The following FREM3 variants were observed in gnomAD, a reference collection of about 807,000 sequenced individuals.
FREM3 encodes FRAS1-related extracellular matrix protein 3.
A neutral mutation model predicts 129.1 loss-of-function variants in FREM3; 105 were observed. That is an observed-to-expected ratio of 0.81 (90% CI 0.69 to 0.96). The LOEUF (loss-of-function observed/expected upper bound fraction) is 0.96. Ranked by LOEUF, FREM3 falls within the 40% of genes least tolerant of loss-of-function variation. The pLI is 0.00. For missense variants in FREM3, 2,593 were observed against 2,666.3 expected (o/e 0.97, Z 0.61); for synonymous variants, 1,014 against 1,044.9 (o/e 0.97, Z 0.57).
At chr4:143,635,079 T>G (rs565240494) in intron 2 of FREM3, among the ~76,000 whole-genome samples, 2 of 152,262 alleles carry the variant, frequency 1.3e-5, no homozygotes, top group South Asian at 2.1e-4. Flanking sequence ...ACCCAATTTA[T>G]GTAAGTCAGG....
chr4:143,593,129 C>A (rs1738397179), intron 6 of FREM3, among the ~76,000 whole-genome samples: 1 of 152,148 alleles, frequency 6.6e-6, no homozygotes, highest in South Asian at 2.1e-4. Flanking sequence ...TTCTAGTTAT[C>A]CATTTATCTA....
intron 2 of FREM3, among the ~76,000 whole-genome samples, chr4:143,659,182 T>C (rs1289171922): frequency 6.6e-6 from 1 of 151,816 alleles, no homozygotes. Context: ...CATGCTGGTG[T>C]GCTGCACCCA....
chr4:143,665,042 G>A (rs1403882566), intron 2 of FREM3, among the ~76,000 whole-genome samples: 3 of 152,086 alleles, frequency 2.0e-5, no homozygotes, highest in Non-Finnish European at 2.9e-5. Flanking sequence ...TGCACTTCCC[G>A]AGTGAGGCAA....
At chr4:143,584,126 C>T (rs1578820109) in intron 7 of FREM3, among the ~76,000 whole-genome samples, 1 of 152,246 alleles carries the variant, frequency 6.6e-6, no homozygotes, top group African/African-American at 2.4e-5. Context: ...ATCTACCAAA[C>T]AGGCTGGGCG....
chr4:143,663,238 T>C (rs1030529294), intron 2 of FREM3, among the ~76,000 whole-genome samples: 6 of 152,246 alleles, frequency 3.9e-5, no homozygotes, highest in African/African-American at 1.4e-4. Flanking sequence ...TTCCTTTCCA[T>C]GTTTAGTGCT....
intron 2 of FREM3, among the ~76,000 whole-genome samples, chr4:143,648,608 G>A (rs776594743): frequency 3.3e-5 from 5 of 152,128 alleles, no homozygotes; most frequent in African/African-American, 9.7e-5. Flanking sequence ...TTTGCTTGAC[G>A]CTCACTTCTC....
chr4:143,640,024 GTTCTC>G (rs1346110002), intron 2 of FREM3, among the ~76,000 whole-genome samples: 4 of 152,284 alleles, frequency 2.6e-5, no homozygotes, highest in South Asian at 2.1e-4. Flanking sequence ...GCGATACCAA[GTTCTC>G]ATGCTGTTTC....
At chr4:143,647,979 T>C (rs977486744) in intron 2 of FREM3, among the ~76,000 whole-genome samples, 1 of 152,114 alleles carries the variant, frequency 6.6e-6, no homozygotes, top group Non-Finnish European at 1.5e-5. Flanking sequence ...TGCCAACCCA[T>C]GAAAGCAGCT....
chr4:143,683,918 C>A, intron 2 of FREM3, among the ~76,000 whole-genome samples: 1 of 152,076 alleles, frequency 6.6e-6, no homozygotes, highest in East Asian at 1.9e-4. Context: ...ACCTGTATGA[C>A]TAGAGGCAGC....
At chr4:143,667,767 C>T (rs576072465) in intron 2 of FREM3, among the ~76,000 whole-genome samples, 1 of 152,326 alleles carries the variant, frequency 6.6e-6, no homozygotes, top group African/African-American at 2.4e-5. Context: ...GGATGTCTAG[C>T]TCCTTGAAAC....
rs150998759 is a variant in FREM3 at position 143,611,033 on chromosome 4, T to C, written c.6028+246A>G. Among the ~76,000 whole-genome samples the C allele has an allele frequency of 2.6e-3, 381 of 149,224 alleles. 1 individual carries two copies. Among genetic ancestry groups the C allele is most frequent in the Admixed American group, 3.7e-3 (56 of 15,250 alleles). ...TCCTTCTAAGTCTTAAGTCACCTCC[T>C]TGGGCTGTGCTTTTTCTTGTGTCAA... On this transcript the variant is annotated intron_variant, in intron 6 of 7. Transcript: ENST00000329798.
At chr4:143,619,883 A>G (rs1738916494) in intron 5 of FREM3, among the ~76,000 whole-genome samples, 1 of 152,178 alleles carries the variant, frequency 6.6e-6, no homozygotes, top group South Asian at 2.1e-4. Context: ...TTTAAAAAAA[A>G]AACCAAAACA....
chr4:143,581,995 C>T (rs991564669), intron 7 of FREM3, among the ~76,000 whole-genome samples: 1 of 152,044 alleles, frequency 6.6e-6, no homozygotes, highest in Admixed American at 6.5e-5. Flanking sequence ...GAGCTTCCTG[C>T]ACTCCCTGCC....
At chr4:143,683,620 A>G (rs1466339722) in intron 2 of FREM3, among the ~76,000 whole-genome samples, 2 of 152,240 alleles carry the variant, frequency 1.3e-5, no homozygotes, top group Non-Finnish European at 2.9e-5. Flanking sequence ...GGAAATCTCT[A>G]GGTGAACTTT....
At chr4:143,600,079 A>G (rs1201723599) in intron 6 of FREM3, among the ~76,000 whole-genome samples, 1 of 152,226 alleles carries the variant, frequency 6.6e-6, no homozygotes, top group African/African-American at 2.4e-5. Context: ...GCAGAGGCAT[A>G]GGAATTTTTA....
intron 1 of FREM3, among the ~76,000 whole-genome samples, chr4:143,695,053 A>G (rs1181528620): frequency 2.6e-5 from 4 of 152,240 alleles, no homozygotes; most frequent in African/African-American, 9.6e-5. Context: ...TATAATAAAA[A>G]TGAACAATGT....
chr4:143,644,360 T>C (rs934464498), intron 2 of FREM3, among the ~76,000 whole-genome samples: 2 of 152,222 alleles, frequency 1.3e-5, no homozygotes, highest in African/African-American at 4.8e-5. Context: ...TTTAGTTTTG[T>C]ATACACTATC....
intron 2 of FREM3, among the ~76,000 whole-genome samples, chr4:143,646,266 A>G (rs1201762750): frequency 2.6e-5 from 4 of 152,262 alleles, no homozygotes; most frequent in African/African-American, 9.6e-5. Context: ...TATTCATTCA[A>G]AGATCCTTCA....
rs1399819687 is a variant in FREM3 at position 143,699,187 on chromosome 4, C to T, written c.1489G>A (p.Asp497Asn). ...TACACCACTCGCCCTGCTGCCAGGT[C>T]CGCTGGTGTGAAATACTTGCACCCA... ...PAGCKYFTPADLAAGRVVYQH... is the reference protein window; with the variant it reads ...PAGCKYFTPANLAAGRVVYQH... Residue 497 changes from aspartate to asparagine, a missense_variant, in exon 1 of 8, where the codon GAC becomes AAC. By Grantham distance (23) the Asp-to-Asn change is conservative (BLOSUM62 1). Around this residue, in one of 2 missense-constraint regions of FREM3, gnomAD observed 2,276 missense variants for 2,267.2 expected, o/e 1.00. Transcript: ENST00000329798. This position sits in a 1 kb window ranked among gnomAD's most constrained non-coding sequence, Gnocchi z 4.2. 1 of 1,537,364 alleles carries T rather than the reference C, an allele frequency of 6.5e-7. No individual in the cohort carries two copies. The highest frequency in any genetic ancestry group is 8.7e-7 in the Non-Finnish European group (1 of 1,146,942).
Sources: gnomAD v4.1 joint callset for allele counts (sites outside exome capture counted in the v4.1 genomes callset) on GRCh38, gnomAD v4.1.1 for gene constraint, gnomAD v4.1.1 regional missense constraint, Gnocchi (gnomAD v3.1) non-coding constraint, MANE v1.5 for transcripts, NCBI Gene and HGNC (gene_info 2026-07-23, HGNC 2026-07-21) for gene names.